Variants in PFN4 observed in about 807,000 individuals in gnomAD.
PFN4 encodes profilin family member 4, also known as profilin-4.
A neutral mutation model predicts 16.3 loss-of-function variants in PFN4; 10 were observed. The ratio of observed to expected loss-of-function variants is 0.61; its 90% confidence interval spans 0.38 to 1.04. The LOEUF is 1.04. Among genes scored for constraint, PFN4 ranks in the 50% least tolerant of loss-of-function variants. The probability of loss-of-function intolerance (pLI) is 0.01; values close to 1 mark genes in which losing one functional copy is unlikely to be tolerated. For missense variants in PFN4, 136 were observed against 153.6 expected (o/e 0.89, Z 0.61); for synonymous variants, 54 against 56.9 (o/e 0.95, Z 0.23).
In PFN4 at chr2:24,115,406, C is replaced by A. The variant is rs1665881647; in HGVS notation, c.*177G>T. The A allele has an allele frequency of 3.3e-6, 2 of 601,146 alleles. No homozygotes were observed. The highest frequency in any genetic ancestry group is 3.0e-5 in the Admixed American group (1 of 33,824). The allele number at this position is 601,146 out of a possible 1,614,324, so 37.2% of individuals were successfully genotyped here. ...CAACACTTATTAAAAAACAGTTGAT[C>A]AAGTAATTCCAGTGAAAGAAGAGGA... is the stretch of plus-strand genomic sequence containing the variant. On this transcript the variant is annotated 3_prime_UTR_variant, in exon 5 of 5. Coordinates refer to ENST00000313213, the MANE Select transcript of PFN4 (RefSeq NM_199346.3).
At chr2:24,117,078 C>T (rs1343884102) in intron 4 of PFN4, among the ~76,000 whole-genome samples, 3 of 147,894 alleles carry the variant, frequency 2.0e-5, no homozygotes, top group South Asian at 2.1e-4. Context: ...TGCAGTGGCA[C>T]GATCTCGGCT....
chr2:24,121,632 A>T (rs932933659), intron 2 of PFN4, among the ~76,000 whole-genome samples: 1 of 152,012 alleles, frequency 6.6e-6, no homozygotes, highest in African/African-American at 2.4e-5. Context: ...TCATGTTGAA[A>T]TCTGATTCCC....
At chr2:24,117,098 C>T (rs1460448332) in intron 4 of PFN4, among the ~76,000 whole-genome samples, 1 of 150,516 alleles carries the variant, frequency 6.6e-6, no homozygotes, top group Non-Finnish European at 1.5e-5. Context: ...TCACCGCAAC[C>T]TCTGCCTCTC....
chr2:24,122,687 T>C, intron 1 of PFN4, 140 bp from the exon 2 acceptor site: 1 of 586,836 alleles, frequency 1.7e-6, no homozygotes, highest in Non-Finnish European at 3.0e-6. Context: ...AAAACGGTGG[T>C]CCATCATTCA....
At position 24,122,473 on chromosome 2, in the gene PFN4, T is replaced by G. The variant is rs774925544; in HGVS notation, c.63A>C (p.Ala21=). 1.2e-6 allele frequency: 2 copies of G among 1,614,126 alleles called. No individual in the cohort carries two copies. Among genetic ancestry groups the G allele is most frequent in the Non-Finnish European group, 1.7e-6 (2 of 1,180,038 alleles). ...TCCGCTCCTGGATTTTGATGAGGGC[T>G]GCACTGTCCACATGCTTGGTTCCCA... ...TLLGTKHVDS[A]ALIKIQERSL... is the part of the protein sequence containing the mutation. The change falls in exon 2 of 5, where the codon GCA becomes GCC. Residue 21 remains alanine, a synonymous_variant. Transcript: ENST00000313213.
intron 4 of PFN4, among the ~76,000 whole-genome samples, chr2:24,118,853 G>A (rs1210545072): frequency 6.6e-6 from 1 of 152,190 alleles, no homozygotes; most frequent in Non-Finnish European, 1.5e-5. Flanking sequence ...ATGAATGAGT[G>A]GCTGCTTTTG....
intron 4 of PFN4, among the ~76,000 whole-genome samples, chr2:24,117,223 C>T (rs754953720): frequency 3.0e-4 from 45 of 152,004 alleles, no homozygotes; most frequent in Non-Finnish European, 5.6e-4. Flanking sequence ...ACCATGTTTT[C>T]CAGGCTGGTC....
intron 4 of PFN4, 130 bp downstream of exon 4, chr2:24,119,447 A>G (rs978449721): frequency 1.7e-5 from 11 of 650,876 alleles, no homozygotes; most frequent in Admixed American, 1.2e-4. Context: ...GGCTATGTAA[A>G]TAACCTCAGC....
At chr2:24,122,605 G>T (rs1666156487) in intron 1 of PFN4, 58 bp from the exon 2 acceptor site, 2 of 1,002,334 alleles carry the variant, frequency 2.0e-6, no homozygotes, top group Non-Finnish European at 1.6e-6. Flanking sequence ...AAAGGCATGT[G>T]AATACAAATG....
chr2:24,120,743 C>T (rs967627562), intron 3 of PFN4, among the ~76,000 whole-genome samples: 8 of 152,046 alleles, frequency 5.3e-5, no homozygotes, highest in African/African-American at 1.9e-4. Context: ...TTAGTAGAAA[C>T]AGGGTTTCAC....
intron 3 of PFN4, among the ~76,000 whole-genome samples, chr2:24,120,618 C>T (rs780019842): frequency 3.3e-5 from 5 of 152,048 alleles, no homozygotes; most frequent in African/African-American, 4.8e-5. Context: ...TGCAATGGCA[C>T]GATCTCGGCT....
rs900571599 is a variant in PFN4, at chr2:24,115,494, G to T, written c.*89C>A. On this transcript the variant is annotated 3_prime_UTR_variant, in exon 5 of 5. Coordinates refer to ENST00000313213, the MANE Select transcript of PFN4 (RefSeq NM_199346.3). ...CTTCTTTTTTAGTGCCTTCTGTCTA[G>T]TGTTTTTTCAACCATAAAATATTTT... 1 of 1,168,120 alleles carries T rather than the reference G, an allele frequency of 8.6e-7. No homozygotes were observed. Among genetic ancestry groups the T allele is most frequent in the African/African-American group, 1.5e-5 (1 of 64,706 alleles). 72.4% of individuals were successfully genotyped at this position (1,168,120 alleles called of 1,614,324 possible).
rs756436224 is a variant in PFN4, at chr2:24,122,537, T to A, written c.-2A>T. ...CAATAAGCTCTGCAAATGGCTCATG[T>A]TCCCTCAACTCTGAAAGGGAAAGTG... On this transcript the variant is annotated 5_prime_UTR_variant, in exon 2 of 5. Transcript: ENST00000313213. 8 of 1,601,388 alleles carry A rather than the reference T, an allele frequency of 5.0e-6. No homozygotes were observed. Among genetic ancestry groups the A allele is most frequent in the Non-Finnish European group, 6.8e-6 (8 of 1,170,068 alleles).
rs1406341852 is a variant in PFN4, at chr2:24,122,509, T to C, written c.27A>G (p.Leu9=). 2 of 1,614,002 alleles carry C rather than the reference T, an allele frequency of 1.2e-6. No homozygotes were observed. Among genetic ancestry groups the C allele is most frequent in the Non-Finnish European group, 1.7e-6 (2 of 1,179,890 alleles). ...CATGCTTGGTTCCCAAGAGGGTGTC[T>C]AACAATAAGCTCTGCAAATGGCTCA... MSHLQSLL[L]DTLLGTKHVD... is the part of the protein sequence containing the mutation. Residue 9 remains leucine, a synonymous_variant, in exon 2 of 5, where the codon TTA becomes TTG. Transcript: ENST00000313213.
intron 4 of PFN4, among the ~76,000 whole-genome samples, chr2:24,115,957 A>G (rs1665903950): frequency 6.6e-6 from 1 of 151,694 alleles, no homozygotes; most frequent in South Asian, 2.1e-4. Flanking sequence ...GGGCAAAGGG[A>G]ACAGGGTGAG....
At chr2:24,120,550 AT>A (rs71395201) in intron 3 of PFN4, among the ~76,000 whole-genome samples, 27 of 149,054 alleles carry the variant, frequency 1.8e-4, no homozygotes, top group Admixed American at 8.6e-4. Context: ...CAGAGAGCTG[AT>A]TTTTTTTAAA....
chr2:24,119,179 C>G (rs181353292), intron 4 of PFN4, among the ~76,000 whole-genome samples: 11 of 152,218 alleles, frequency 7.2e-5, no homozygotes, highest in South Asian at 2.1e-4. Context: ...CTGTCTCCCC[C>G]CTCCCCTATC....
intron 2 of PFN4, among the ~76,000 whole-genome samples, chr2:24,122,095 G>A (rs370730625): frequency 3.3e-5 from 5 of 152,172 alleles, no homozygotes; most frequent in African/African-American, 1.2e-4. Context: ...ACTTTGGGAG[G>A]CCGAGGCAGG....
chr2:24,122,608 T>C (rs1666156608), intron 1 of PFN4, 61 bp from the exon 2 acceptor site: 1 of 1,003,514 alleles, frequency 1.0e-6, no homozygotes, highest in Non-Finnish European at 1.6e-6. Context: ...GGCATGTGAA[T>C]ACAAATGTCC....
Sources: allele counts gnomAD v4.1 joint callset (sites outside exome capture counted in the v4.1 genomes callset), GRCh38; gene constraint gnomAD v4.1.1; transcripts MANE v1.5; gene names NCBI Gene and HGNC (gene_info 2026-07-23, HGNC 2026-07-21).